SMURF1: variants seen among roughly 807,000 people sequenced by gnomAD.
SMURF1 encodes the protein SMAD specific E3 ubiquitin protein ligase 1.
A neutral mutation model predicts 98.0 loss-of-function variants in SMURF1; 44 were observed. That is an observed-to-expected ratio of 0.45 (90% CI 0.35 to 0.58). SMURF1 has a LOEUF of 0.58. Ranked by LOEUF, SMURF1 falls within the 20% of genes least tolerant of loss-of-function variation. The probability of loss-of-function intolerance (pLI) is 0.00; values close to 1 mark genes in which losing one functional copy is unlikely to be tolerated. For synonymous variants in SMURF1, 396 were observed against 374.9 expected (o/e 1.06, Z -0.65); for missense variants, 687 against 938.4 (o/e 0.73, Z 3.50).
chr7:99,073,142 C>T (rs541915195), intron 1 of SMURF1, among the ~76,000 whole-genome samples: 3 of 152,210 alleles, frequency 2.0e-5, no homozygotes, highest in African/African-American at 7.2e-5. Flanking sequence ...GTCTGGGAGG[C>T]CGAGGCGGGT....
At chr7:99,043,333 T>C (rs1328674435) in intron 11 of SMURF1, among the ~76,000 whole-genome samples, 1 of 152,142 alleles carries the variant, frequency 6.6e-6, no homozygotes, top group Non-Finnish European at 1.5e-5. Flanking sequence ...CCTGCACATG[T>C]GTAATACACA....
intron 1 of SMURF1, among the ~76,000 whole-genome samples, chr7:99,064,883 C>A (rs1005003896): frequency 2.0e-5 from 3 of 152,122 alleles, no homozygotes; most frequent in African/African-American, 7.2e-5. Flanking sequence ...AATCCACAGC[C>A]CCAAAACCTC....
intron 1 of SMURF1, among the ~76,000 whole-genome samples, chr7:99,082,117 T>C (rs1381119177): frequency 6.6e-6 from 1 of 152,246 alleles, no homozygotes. Context: ...CCTTTACCCA[T>C]GTATTAAACT....
At position 99,038,569 on chromosome 7, in the gene SMURF1, C is replaced by T. The variant is rs542189459; in HGVS notation, c.1551-44G>A. ...AGGATGTAGGTTAGAACTCTGCCAC[C>T]ACGCGGGGCCATTGGGTAGACAGAA... On this transcript the variant is annotated intron_variant, in intron 13 of 17. Transcript: ENST00000361368. 40 of 1,594,942 alleles carry T rather than the reference C, an allele frequency of 2.5e-5. No homozygotes were observed. The South Asian group carries it at 4.3e-4, about 17-fold the overall frequency.
At chr7:99,116,941 A>T (rs961184887) in intron 1 of SMURF1, among the ~76,000 whole-genome samples, 18 of 152,242 alleles carry the variant, frequency 1.2e-4, no homozygotes, top group African/African-American at 4.3e-4. Flanking sequence ...CCTATTTTAA[A>T]ACTTACTACA....
At chr7:99,112,367 A>T (rs1797344361) in intron 1 of SMURF1, among the ~76,000 whole-genome samples, 1 of 152,182 alleles carries the variant, frequency 6.6e-6, no homozygotes, top group Non-Finnish European at 1.5e-5. Context: ...CGTGTAAATA[A>T]ATCTCTAGTG....
At chr7:99,071,061 CTT>C (rs58384494) in intron 1 of SMURF1, among the ~76,000 whole-genome samples, 4,655 of 142,004 alleles carry the variant, frequency 0.033, 86 homozygotes, top group Middle Eastern at 0.049. Flanking sequence ...GCATTTGGAA[CTT>C]TTTTTTTTTT....
At chr7:99,053,524 A>G (rs1279536595) in intron 6 of SMURF1, among the ~76,000 whole-genome samples, 2 of 152,178 alleles carry the variant, frequency 1.3e-5, no homozygotes, top group Admixed American at 6.5e-5. Flanking sequence ...ATGTGTAGCT[A>G]TGTCTCAAGT....
At chr7:99,078,713 G>C (rs576899781) in intron 1 of SMURF1, among the ~76,000 whole-genome samples, 5 of 152,346 alleles carry the variant, frequency 3.3e-5, no homozygotes, top group African/African-American at 1.2e-4. Flanking sequence ...GAGGGGTCTA[G>C]GTTGCACCCT....
At chr7:99,043,813 A>G (rs1483351851) in intron 11 of SMURF1, among the ~76,000 whole-genome samples, 1 of 152,180 alleles carries the variant, frequency 6.6e-6, no homozygotes, top group African/African-American at 2.4e-5. Flanking sequence ...ATCACACCAC[A>G]CAACCATGCG....
At chr7:99,074,600 G>C (rs920021167) in intron 1 of SMURF1, among the ~76,000 whole-genome samples, 5 of 151,962 alleles carry the variant, frequency 3.3e-5, no homozygotes, top group Admixed American at 6.6e-5. Flanking sequence ...GTAAAAACTA[G>C]ATACCATTAG....
chr7:99,053,660 A>G (rs150809001), intron 6 of SMURF1, among the ~76,000 whole-genome samples: 93 of 152,262 alleles, frequency 6.1e-4, no homozygotes, highest in African/African-American at 2.0e-3. Flanking sequence ...TTTGTTGATT[A>G]TATTCCCTTG....
intron 1 of SMURF1, among the ~76,000 whole-genome samples, chr7:99,137,749 G>A (rs1253345584): frequency 1.3e-5 from 2 of 152,128 alleles, no homozygotes; most frequent in Non-Finnish European, 1.5e-5. Context: ...CACCAGACGC[G>A]CTGATTATAC....
intron 1 of SMURF1, among the ~76,000 whole-genome samples, chr7:99,092,908 C>T (rs998021044): frequency 6.6e-6 from 1 of 152,074 alleles, no homozygotes; most frequent in Non-Finnish European, 1.5e-5. Context: ...GTTCAGGATT[C>T]GCTAATTTGG....
intron 2 of SMURF1, 89 bp downstream of exon 2, chr7:99,061,710 G>T: frequency 9.9e-7 from 1 of 1,007,848 alleles, no homozygotes. Flanking sequence ...AAACTTTGAA[G>T]AGAATATACC....
At chr7:99,137,957 C>T (rs1056035246) in intron 1 of SMURF1, among the ~76,000 whole-genome samples, 8 of 152,202 alleles carry the variant, frequency 5.3e-5, no homozygotes, top group Admixed American at 5.2e-4. Context: ...TTAAACATAG[C>T]TCCATGGCTT....
At chr7:99,073,540 G>A (rs1315554169) in intron 1 of SMURF1, among the ~76,000 whole-genome samples, 2 of 151,296 alleles carry the variant, frequency 1.3e-5, no homozygotes, top group Non-Finnish European at 2.9e-5. Flanking sequence ...CAAGGCAGGT[G>A]GATCACATGA....
intron 1 of SMURF1, among the ~76,000 whole-genome samples, chr7:99,124,128 A>G (rs561042039): frequency 2.0e-5 from 3 of 152,324 alleles, no homozygotes; most frequent in African/African-American, 7.2e-5. Context: ...AGGAAATACA[A>G]CTCATGAAAA....
intron 8 of SMURF1, chr7:99,050,278 T>A (rs1795713455): frequency 6.6e-6 from 1 of 152,596 alleles, no homozygotes; most frequent in African/African-American, 2.4e-5. Context: ...CGGCATATCA[T>A]TTCTTATATG....
Sources: allele counts gnomAD v4.1 joint callset (sites outside exome capture counted in the v4.1 genomes callset), GRCh38; gene constraint gnomAD v4.1.1; transcripts MANE v1.5; gene names NCBI Gene and HGNC (gene_info 2026-07-23, HGNC 2026-07-21).